EDRF1: variants seen among roughly 807,000 people sequenced by gnomAD.
EDRF1 encodes the protein erythroid differentiation regulatory factor 1.
In EDRF1, 69 loss-of-function variants were observed where a neutral mutation model predicts 148.7. That is an observed-to-expected ratio of 0.46 (90% confidence interval 0.38 to 0.57). The LOEUF (loss-of-function observed/expected upper bound fraction) is 0.57. Ranked by LOEUF, EDRF1 falls within the 20% of genes least tolerant of loss-of-function variation. The pLI, the probability that EDRF1 is intolerant of heterozygous loss-of-function variation, is 0.00. For missense variants in EDRF1, 1,118 were observed against 1,478.7 expected, an observed-to-expected ratio of 0.76 and a Z score of 4.00; for synonymous variants, 515 against 532.8, an observed-to-expected ratio of 0.97 and a Z score of 0.46.
chr10:125,748,345 T>C (rs1589860796), intron 21 of EDRF1: 2 of 371,662 alleles, frequency 5.4e-6, no homozygotes, highest in East Asian at 1.3e-4. Flanking sequence ...AATGACTATA[T>C]CTTAGTTTAT....
chr10:125,727,370 C>G (rs1337294186), intron 6 of EDRF1, among the ~76,000 whole-genome samples: 4 of 152,200 alleles, frequency 2.6e-5, no homozygotes, highest in Non-Finnish European at 5.9e-5. Flanking sequence ...TATCTCTGCA[C>G]AAATTCTTGT....
intron 9 of EDRF1, chr10:125,731,881 T>A: frequency 2.2e-6 from 1 of 454,194 alleles, no homozygotes; most frequent in South Asian, 1.6e-5. Flanking sequence ...CACATGCTGT[T>A]ATTCCTATTT....
At chr10:125,732,832 T>C (rs1371407843) in intron 9 of EDRF1, among the ~76,000 whole-genome samples, 1 of 152,068 alleles carries the variant, frequency 6.6e-6, no homozygotes, top group Admixed American at 6.6e-5. Context: ...ACTTTTAAAA[T>C]AGTGGTAGTA....
In EDRF1 at chr10:125,738,116, A is replaced by G. The variant is rs540386038; in HGVS notation, c.1830+127A>G. On this transcript the variant is annotated intron_variant, in intron 14 of 24. Coordinates refer to ENST00000356792, the MANE Select transcript of EDRF1 (RefSeq NM_001202438.2). The stretch of plus-strand genomic sequence containing the variant: ...TGCTGCGATTTTTTTTTCCTTAAGC[A>G]TAAAGTGAAAATCAGATTTGTTTTT... 7.9e-5 allele frequency: 106 copies of G among 1,345,086 alleles called. No homozygotes were observed. The African/African-American group carries it at 1.3e-3, about 16-fold the overall frequency. 83.3% of individuals were successfully genotyped at this position (1,345,086 alleles called of 1,614,324 possible). A position where few individuals can be genotyped will look rare whatever the true frequency, so the allele number is the denominator to read the frequency against.
rs1849717648 is a variant in EDRF1 at position 125,753,019 on chromosome 10, A to G, written c.3393+105A>G. 5 of 776,304 alleles carry G rather than the reference A, an allele frequency of 6.4e-6. No homozygotes were observed. The Admixed American group carries it at 9.4e-5, about 15-fold the overall frequency. The allele number at this position is 776,304 out of a possible 1,614,324, so 48.1% of individuals were successfully genotyped here. A position where few individuals can be genotyped will look rare whatever the true frequency, so the allele number is the denominator to read the frequency against. On this transcript the variant is annotated intron_variant, in intron 23 of 24. Transcript: ENST00000356792. ...TATGTGTGTGGGTATATATACACAC[A>G]TGTACATATGTATGCTATGCACTAA...
At position 125,747,912 on chromosome 10, in the gene EDRF1, A is replaced by G; in HGVS notation, c.3023A>G (p.Asp1008Gly). 6.2e-7 allele frequency: 1 copy of G among 1,614,230 alleles called. No homozygotes were observed. The highest frequency in any genetic ancestry group is 8.5e-7 in the Non-Finnish European group (1 of 1,180,040). ...ATGATGAAGTCCCTAAAATACTGCG[A>G]TGTGGATTCAGTGTCTGCTCGACAG... Reference protein sequence around the residue: ...EAMMKSLKYCDVDSVSARQPL... With the variant: ...EAMMKSLKYCGVDSVSARQPL... Residue 1008 changes from aspartate to glycine, a missense_variant, in exon 21 of 25, where the codon GAT becomes GGT. Physicochemically the swap from Asp to Gly is moderately conservative, Grantham distance 94. Around this residue, in one of 3 missense-constraint regions of EDRF1, gnomAD observed 954 missense variants for 1,241.4 expected, o/e 0.77. Transcript: ENST00000356792.
chr10:125,733,093 A>T (rs1848549867), intron 9 of EDRF1, among the ~76,000 whole-genome samples: 1 of 152,218 alleles, frequency 6.6e-6, no homozygotes, highest in Admixed American at 6.5e-5. Context: ...TTCAAGTGGA[A>T]TAAAAGTAGT....
rs1848084836 is a variant in EDRF1, at chr10:125,723,141, GTTAT to G, written c.384+10_384+13del. 3.1e-6 allele frequency: 5 copies of G among 1,612,640 alleles called. No homozygotes were observed. The highest frequency in any genetic ancestry group is 1.3e-5 in the African/African-American group (1 of 74,870). On this transcript the variant is annotated splice_region_variant and intron_variant, in intron 3 of 24. Coordinates refer to ENST00000356792, the MANE Select transcript of EDRF1 (RefSeq NM_001202438.2). ...TGTTGTCTCTGACTCTGAAGTAAGTGTTATTTGTCGCTTAATGTAATTTTGGAGG... is the reference window on the plus strand; with the variant it reads ...TGTTGTCTCTGACTCTGAAGTAAGTGTTGTCGCTTAATGTAATTTTGGAGG...
In EDRF1 at chr10:125,719,989, C is replaced by A. The variant is rs944431721; in HGVS notation, c.108+74C>A. 8.0e-6 allele frequency: 11 copies of A among 1,377,284 alleles called. No homozygotes were observed. In the African/African-American group the frequency reaches 1.3e-4, roughly 16 times the overall value. 85.3% of individuals were successfully genotyped at this position (1,377,284 alleles called of 1,614,324 possible). A position where few individuals can be genotyped will look rare whatever the true frequency, so the allele number is the denominator to read the frequency against. The stretch of plus-strand genomic sequence containing the variant: ...CCCGCTCCACCGGGGAGGGATGCCA[C>A]GGTTCCCGGCAGATTCTGGAGGCTT... On this transcript the variant is annotated intron_variant, in intron 1 of 24. Transcript: ENST00000356792.
At position 125,725,461 on chromosome 10, in the gene EDRF1, A is replaced by G. The variant is rs1042292296; in HGVS notation, c.635+19A>G. The G allele has an allele frequency of 6.2e-7, 1 of 1,613,458 alleles. No homozygotes were observed. Among genetic ancestry groups the G allele is most frequent in the Non-Finnish European group, 8.5e-7 (1 of 1,179,526 alleles). On this transcript the variant is annotated intron_variant, in intron 5 of 24. Transcript: ENST00000356792. ...ATTACAGGTACTTGGCTACTTATTTATCTCTAAAGAGAAAAAGGGAATTCT... is the reference window on the plus strand; with the variant it reads ...ATTACAGGTACTTGGCTACTTATTTGTCTCTAAAGAGAAAAAGGGAATTCT...
At chr10:125,757,649 T>C (rs1398750842) in intron 24 of EDRF1, among the ~76,000 whole-genome samples, 3 of 152,240 alleles carry the variant, frequency 2.0e-5, no homozygotes, top group Admixed American at 6.5e-5. Context: ...ATCTTTTCAA[T>C]TGAGAGAGTT....
At chr10:125,753,106 G>A (rs912815596) in intron 23 of EDRF1, among the ~76,000 whole-genome samples, 192 bp downstream of exon 23, 3 of 152,164 alleles carry the variant, frequency 2.0e-5, no homozygotes, top group African/African-American at 4.8e-5. Flanking sequence ...TAATTTGCAA[G>A]TATTTTAAAA....
At chr10:125,724,762 C>G (rs560184217) in intron 4 of EDRF1, among the ~76,000 whole-genome samples, 1 of 152,320 alleles carries the variant, frequency 6.6e-6, no homozygotes, top group African/African-American at 2.4e-5. Flanking sequence ...TTCTCAAGAA[C>G]TACCCTCCAT....
intron 24 of EDRF1, among the ~76,000 whole-genome samples, chr10:125,755,946 T>C (rs1849882295): frequency 6.6e-6 from 1 of 152,146 alleles, no homozygotes; most frequent in South Asian, 2.1e-4. Context: ...TTCTCTCTTT[T>C]AAATGTCATC....
intron 9 of EDRF1, among the ~76,000 whole-genome samples, chr10:125,730,681 T>G (rs1002286995): frequency 6.6e-6 from 1 of 152,240 alleles, no homozygotes; most frequent in Non-Finnish European, 1.5e-5. Context: ...CATTAATAAT[T>G]AACTGAAAGT....
intron 24 of EDRF1, among the ~76,000 whole-genome samples, chr10:125,754,228 A>AG (rs1849783283): frequency 6.6e-6 from 1 of 151,946 alleles, no homozygotes; most frequent in Non-Finnish European, 1.5e-5. Context: ...AAAAAAAAAA[A>AG]AAGGAAAGAA....
At chr10:125,727,550 G>A (rs1433305556) in intron 6 of EDRF1, among the ~76,000 whole-genome samples, 1 of 152,184 alleles carries the variant, frequency 6.6e-6, no homozygotes, top group Non-Finnish European at 1.5e-5. Context: ...ATCGGTTCAT[G>A]AGTTGATAAC....
chr10:125,756,899 A>G (rs1298647571), intron 24 of EDRF1: 2 of 409,334 alleles, frequency 4.9e-6, no homozygotes, highest in African/African-American at 2.1e-5. Flanking sequence ...TGCAGCCCCA[A>G]CTTCCTGGGC....
intron 15 of EDRF1, among the ~76,000 whole-genome samples, chr10:125,739,698 C>T (rs1848916142): frequency 6.6e-6 from 1 of 152,176 alleles, no homozygotes; most frequent in Non-Finnish European, 1.5e-5. Context: ...AAATGAGAAA[C>T]CTTCAGGCTG....
Sources: allele counts gnomAD v4.1 joint callset (sites outside exome capture counted in the v4.1 genomes callset), GRCh38; gene constraint gnomAD v4.1.1; regional missense constraint gnomAD v4.1.1; transcripts MANE v1.5; gene names NCBI Gene and HGNC (gene_info 2026-07-23, HGNC 2026-07-21).